SRRM4: variants seen among roughly 807,000 people sequenced by gnomAD.
SRRM4 encodes the protein serine/arginine repetitive matrix protein 4.
In SRRM4, 33 loss-of-function variants were observed where a neutral mutation model predicts 68.9. The ratio of observed to expected loss-of-function variants is 0.48; its 90% CI spans 0.36 to 0.64. SRRM4 has a LOEUF of 0.64. SRRM4 is among the 30% of genes least tolerant of loss of function. The pLI is 0.00. For synonymous variants in SRRM4, 318 were observed against 318.8 expected, an observed-to-expected ratio of 1.00 and a Z score of 0.03; for missense variants, 817 against 827.1, an observed-to-expected ratio of 0.99 and a Z score of 0.15.
At chr12:118,998,813 G>A (rs1344991076) in intron 1 of SRRM4, among the ~76,000 whole-genome samples, 1 of 152,216 alleles carries the variant, frequency 6.6e-6, no homozygotes, top group Non-Finnish European at 1.5e-5. Context: ...TTTGGCCAGA[G>A]GGCTTTGTCT....
At chr12:119,144,961 A>AT (rs1262460719) in intron 8 of SRRM4, among the ~76,000 whole-genome samples, 2 of 151,828 alleles carry the variant, frequency 1.3e-5, no homozygotes, top group African/African-American at 2.4e-5. Context: ...TCCAAGATAT[A>AT]TTTTTTCAGG....
At chr12:119,076,057 G>A (rs1404479251) in intron 1 of SRRM4, among the ~76,000 whole-genome samples, 1 of 152,030 alleles carries the variant, frequency 6.6e-6, no homozygotes, top group African/African-American at 2.4e-5. Flanking sequence ...TGATGATGGT[G>A]ATGGTAGTAA....
intron 1 of SRRM4, among the ~76,000 whole-genome samples, chr12:119,044,907 G>A (rs951305566): frequency 1.2e-4 from 19 of 152,134 alleles, no homozygotes; most frequent in Admixed American, 2.6e-4. Flanking sequence ...AGAATGCCTG[G>A]GTTTGGTTCC....
At chr12:119,086,464 G>A (rs1953980418) in intron 1 of SRRM4, among the ~76,000 whole-genome samples, 1 of 152,176 alleles carries the variant, frequency 6.6e-6, no homozygotes, top group South Asian at 2.1e-4. Flanking sequence ...ATAGGTAACT[G>A]GTGGAACCAA....
chr12:119,121,922 T>A lies in SRRM4; in HGVS notation c.465-148T>A, dbSNP rs927964889. ...TAGCCGAATTTGCTGCATGAAAATG[T>A]TGGCAGTGAATTTTCCAGTCTGAGG... On this transcript the variant is annotated intron_variant, in intron 5 of 12. Coordinates refer to ENST00000267260, the MANE Select transcript of SRRM4 (RefSeq NM_194286.4). 189 of 641,122 alleles carry A rather than the reference T, an allele frequency of 2.9e-4. 2 individuals carry two copies. Among genetic ancestry groups the A allele is most frequent in the Non-Finnish European group, 3.1e-5 (11 of 354,192 alleles). The allele number at this position is 641,122 out of a possible 1,614,324, so 39.7% of individuals were successfully genotyped here. A position where few individuals can be genotyped will look rare whatever the true frequency, so the allele number is the denominator to read the frequency against.
chr12:119,125,776 C>T (rs1018564389), intron 7 of SRRM4, among the ~76,000 whole-genome samples: 3 of 151,902 alleles, frequency 2.0e-5, no homozygotes, highest in African/African-American at 7.2e-5. Flanking sequence ...AAAAAATTAG[C>T]TGGGCGTAGT....
At chr12:119,056,249 C>T (rs1736954322) in intron 1 of SRRM4, among the ~76,000 whole-genome samples, 2 of 152,230 alleles carry the variant, frequency 1.3e-5, no homozygotes, top group South Asian at 4.1e-4. Context: ...GTGCCTCGTG[C>T]AGCCACAATG....
At chr12:119,102,450 A>C in intron 2 of SRRM4, 68 bp downstream of exon 2, 1 of 1,294,924 alleles carries the variant, frequency 7.7e-7, no homozygotes, top group East Asian at 2.5e-5. Flanking sequence ...GCCATGGCTC[A>C]CCCCTCTCTT....
intron 6 of SRRM4, among the ~76,000 whole-genome samples, chr12:119,124,042 T>G (rs904295867): frequency 1.3e-5 from 2 of 152,172 alleles, no homozygotes; most frequent in Admixed American, 1.3e-4. Context: ...TGGTTTAAAC[T>G]CTCTGTGCCT....
intron 1 of SRRM4, among the ~76,000 whole-genome samples, chr12:119,035,201 G>A (rs764412500): frequency 1.3e-5 from 2 of 151,880 alleles, no homozygotes; most frequent in South Asian, 2.1e-4. Flanking sequence ...TATATAATTC[G>A]TGGGTCACAA....
intron 8 of SRRM4, among the ~76,000 whole-genome samples, chr12:119,136,556 C>A (rs962487549): frequency 1.3e-5 from 2 of 152,040 alleles, no homozygotes; most frequent in Non-Finnish European, 2.9e-5. Flanking sequence ...ACAGAAAAAA[C>A]CACCATTTTC....
chr12:119,080,400 A>G (rs559658950), intron 1 of SRRM4, among the ~76,000 whole-genome samples: 102 of 152,296 alleles, frequency 6.7e-4, no homozygotes, highest in African/African-American at 2.4e-3. Flanking sequence ...TATAAGTACT[A>G]AGGTATTACC....
chr12:119,076,034 GTGA>G lies in SRRM4; in HGVS notation c.132-26194_132-26192del, dbSNP rs557091537. Among the ~76,000 whole-genome samples the G allele has an allele frequency of 5.2e-4, 79 of 151,928 alleles. 1 individual carries two copies. Among genetic ancestry groups the G allele is most frequent in the African/African-American group, 1.4e-3 (56 of 41,414 alleles). Reference sequence around the variant, plus strand: ...GGCGATGATGATGATGGTGGTGATGGTGATGATGATAGTGATGATGGTGATGGT... The same window carrying G: ...GGCGATGATGATGATGGTGGTGATGGTGATGATAGTGATGATGGTGATGGT... On this transcript the variant is annotated intron_variant, in intron 1 of 12. Transcript: ENST00000267260.
At chr12:118,989,275 C>T (rs1258758569) in intron 1 of SRRM4, among the ~76,000 whole-genome samples, 1 of 152,120 alleles carries the variant, frequency 6.6e-6, no homozygotes, top group Non-Finnish European at 1.5e-5. Flanking sequence ...CTGGGTCCCT[C>T]CATGTGTTAT....
At chr12:119,090,544 C>T (rs1180172140) in intron 1 of SRRM4, among the ~76,000 whole-genome samples, 2 of 152,154 alleles carry the variant, frequency 1.3e-5, no homozygotes, top group Non-Finnish European at 2.9e-5. Flanking sequence ...GGGCCTCCCT[C>T]CCCACATCCC....
At chr12:118,989,539 C>A in intron 1 of SRRM4, among the ~76,000 whole-genome samples, 1 of 141,082 alleles carries the variant, frequency 7.1e-6, no homozygotes, top group Non-Finnish European at 1.5e-5. Flanking sequence ...ACCTGTCCCC[C>A]CACACCTTCC....
chr12:119,125,308 A>G, intron 6 of SRRM4, 73 bp from the exon 7 acceptor site: 2 of 1,359,310 alleles, frequency 1.5e-6, no homozygotes, highest in Non-Finnish European at 2.1e-6. Flanking sequence ...GTGTCACAAG[A>G]TCAAATCTCT....
At chr12:119,090,321 G>A (rs1420903356) in intron 1 of SRRM4, among the ~76,000 whole-genome samples, 5 of 152,168 alleles carry the variant, frequency 3.3e-5, no homozygotes, top group Non-Finnish European at 7.3e-5. Context: ...AGAGGTCTGC[G>A]TGCATGTGAC....
rs189916956 is a variant in SRRM4, at chr12:119,045,491, C to A, written c.132-56745C>A. Reference sequence around the variant, plus strand: ...CCCTTCCCCCACTCCCCCGCTCCCCCCCGCCCCAAAACACTCACAGAGACA... The same window carrying A: ...CCCTTCCCCCACTCCCCCGCTCCCCACCGCCCCAAAACACTCACAGAGACA... On this transcript the variant is annotated intron_variant, in intron 1 of 12. Coordinates refer to ENST00000267260, the MANE Select transcript of SRRM4 (RefSeq NM_194286.4). 9.8e-3 allele frequency among the ~76,000 whole-genome samples: 1,460 copies of A among 148,314 alleles called. 24 individuals are homozygous for A. The highest frequency in any genetic ancestry group is 0.035 in the African/African-American group (1,398 of 39,790).
Sources: gnomAD v4.1 joint callset for allele counts (sites outside exome capture counted in the v4.1 genomes callset) on GRCh38, gnomAD v4.1.1 for gene constraint, MANE v1.5 for transcripts, NCBI Gene and HGNC (gene_info 2026-07-23, HGNC 2026-07-21) for gene names.